The following ME2 variants were observed in gnomAD, a reference collection of about 807,000 sequenced individuals.
The protein encoded by ME2 is malic enzyme 2.
Under a neutral mutation model 73.7 loss-of-function variants are expected in ME2, and 60 were observed. The observed-to-expected ratio is 0.81, with a 90% CI of 0.66 to 1.01. The LOEUF is 1.01. Among genes scored for constraint, ME2 ranks in the 50% least tolerant of loss-of-function variants. The pLI, the probability that ME2 is intolerant of heterozygous loss-of-function variation, is 0.00. For missense variants in ME2, 594 were observed against 705.5 expected, an observed-to-expected ratio of 0.84 and a Z score of 1.79; for synonymous variants, 199 against 236.9, an observed-to-expected ratio of 0.84 and a Z score of 1.47.
chr18:50,951,899 A>G lies in ME2; in HGVS notation c.*4715A>G, dbSNP rs899474621. On this transcript the variant is annotated 3_prime_UTR_variant, in exon 16 of 16. Transcript: ENST00000321341. ...AAAAAAAAAAAAAAAAAAAAAAAAA[A>G]AAAATCTCCAGGGTTCTGTTGAATT... 3.1e-5 allele frequency: 4 copies of G among 129,670 alleles called. No individual in the cohort carries two copies. The East Asian group carries it at 9.2e-4, about 30-fold the overall frequency. The allele number at this position is 129,670 out of a possible 1,614,324, so 8.0% of individuals were successfully genotyped here. A position where few individuals can be genotyped will look rare whatever the true frequency, so the allele number is the denominator to read the frequency against.
In ME2 at chr18:50,939,570, G is replaced by A. The variant is rs1775849411; in HGVS notation, c.1418G>A (p.Gly473Asp). ...TAGTAAACTTTAAAATGTGTTCTAG[G>A]TGTGGCTTTAGCTGTTATTCTCTGT... ...GQGNNVYIFP[G>D]VALAVILCNT... The change falls in exon 14 of 16, where the codon GGT becomes GAT. Residue 473 changes from glycine (G) to aspartate (D), a missense_variant and splice_region_variant. Transcript: ENST00000321341. The A allele has an allele frequency of 1.9e-6, 3 of 1,607,028 alleles. No individual in the cohort carries two copies. The highest frequency in any genetic ancestry group is 2.6e-6 in the Non-Finnish European group (3 of 1,173,912).
intron 13 of ME2, chr18:50,933,730 A>AG (rs1917751636): frequency 2.0e-5 from 3 of 151,946 alleles, no homozygotes. Context: ...TGTGTGTTGC[A>AG]GGGGGTTTCA....
intron 1 of ME2, among the ~76,000 whole-genome samples, chr18:50,880,304 G>A (rs1916287000): frequency 1.3e-5 from 2 of 152,116 alleles, no homozygotes; most frequent in Non-Finnish European, 2.9e-5. Flanking sequence ...GTTTTAACGT[G>A]ACAAAGCCTA....
chr18:50,890,078 C>T (rs1372656593), intron 1 of ME2, among the ~76,000 whole-genome samples: 5 of 151,940 alleles, frequency 3.3e-5, no homozygotes, highest in East Asian at 1.9e-4. Flanking sequence ...ATCAAGAATC[C>T]TCACTCTTTG....
intron 2 of ME2, among the ~76,000 whole-genome samples, chr18:50,901,318 G>A (rs12953514): frequency 2.0e-5 from 3 of 152,096 alleles, no homozygotes; most frequent in Admixed American, 2.0e-4. Context: ...ACGTAAATCA[G>A]TATTAAAGAG....
At chr18:50,891,420 T>A (rs1173642689) in intron 1 of ME2, among the ~76,000 whole-genome samples, 1 of 152,218 alleles carries the variant, frequency 6.6e-6, no homozygotes, top group Non-Finnish European at 1.5e-5. Context: ...ATCTGAATTC[T>A]GCTTGCTCTG....
At chr18:50,932,190 A>G (rs1324662776) in intron 12 of ME2, 68 bp from the exon 13 acceptor site, 11 of 1,354,434 alleles carry the variant, frequency 8.1e-6, no homozygotes, top group Non-Finnish European at 1.1e-5. Context: ...TTGATTTTGT[A>G]TGAATTCACC....
chr18:50,883,777 T>C (rs1437330091), intron 1 of ME2, among the ~76,000 whole-genome samples: 1 of 152,048 alleles, frequency 6.6e-6, no homozygotes, highest in African/African-American at 2.4e-5. Context: ...GGCAGGAGAA[T>C]TGCTTGACCT....
chr18:50,907,939 A>G (rs1917054136), intron 2 of ME2, 124 bp from the exon 3 acceptor site: 1 of 698,152 alleles, frequency 1.4e-6, no homozygotes, highest in African/African-American at 1.8e-5. Flanking sequence ...AAAGTTTTGA[A>G]AGCCTGGGCA....
intron 1 of ME2, among the ~76,000 whole-genome samples, chr18:50,884,056 C>A (rs1428010758): frequency 6.6e-6 from 1 of 151,996 alleles, no homozygotes; most frequent in East Asian, 1.9e-4. Flanking sequence ...GATATTAAGC[C>A]CACCTGTCTG....
At chr18:50,925,053 T>G (rs1454063631) in intron 11 of ME2, among the ~76,000 whole-genome samples, 1 of 151,922 alleles carries the variant, frequency 6.6e-6, no homozygotes, top group Non-Finnish European at 1.5e-5. Flanking sequence ...TTTAACTACC[T>G]CATATAAATG....
chr18:50,882,766 TG>T (rs1277166220), intron 1 of ME2, among the ~76,000 whole-genome samples: 1 of 152,112 alleles, frequency 6.6e-6, no homozygotes. Context: ...CTGCCCAACA[TG>T]GTGAAACCCC....
At chr18:50,893,854 A>G (rs1236119065) in intron 1 of ME2, among the ~76,000 whole-genome samples, 1 of 152,186 alleles carries the variant, frequency 6.6e-6, no homozygotes, top group Non-Finnish European at 1.5e-5. Context: ...CTGTGAACAA[A>G]ACCATCCCTA....
At chr18:50,916,837 ATACTC>A (rs1917295712) in intron 5 of ME2, 1 of 152,362 alleles carries the variant, frequency 6.6e-6, no homozygotes, top group Admixed American at 6.5e-5. Context: ...GTTGGTTTGA[ATACTC>A]TAGCAAAAAT....
chr18:50,888,452 C>G lies in ME2; in HGVS notation c.-12-7357C>G, dbSNP rs75592500. On this transcript the variant is annotated intron_variant, in intron 1 of 15. Transcript: ENST00000321341. ...ATTTATGAAACAAAAACAACAGAACCAAAGGCTTAGAGGCTGAAAATTTTG... is the reference window on the plus strand; with the variant it reads ...ATTTATGAAACAAAAACAACAGAACGAAAGGCTTAGAGGCTGAAAATTTTG... Among the ~76,000 whole-genome samples, 867 of 151,748 alleles carry G rather than the reference C, an allele frequency of 5.7e-3. 7 individuals carry two copies. Among genetic ancestry groups the G allele is most frequent in the African/African-American group, 0.02 (838 of 41,392 alleles).
At chr18:50,941,349 G>GTTTT (rs1568176416) in intron 15 of ME2, among the ~76,000 whole-genome samples, 13 of 105,316 alleles carry the variant, frequency 1.2e-4, no homozygotes, top group African/African-American at 4.8e-4. Flanking sequence ...ATTTGTGATG[G>GTTTT]TTTCTTTTTT....
rs1202762086 is a variant in ME2 at position 50,952,645 on chromosome 18, C to G, written c.*5461C>G. 1 of 152,072 alleles carries G rather than the reference C, an allele frequency of 6.6e-6. No homozygotes were observed. Among genetic ancestry groups the G allele is most frequent in the African/African-American group, 2.4e-5 (1 of 41,420 alleles). The allele number at this position is 152,072 out of a possible 1,614,324, so 9.4% of individuals were successfully genotyped here. ...TTCAGCACACTTTTTAATGTTAAGA[C>G]TAGGGGAAACTTGTGGGTATATATT... On this transcript the variant is annotated 3_prime_UTR_variant, in exon 16 of 16. Transcript: ENST00000321341.
chr18:50,879,433 C>T (rs1916258355), intron 1 of ME2, 125 bp downstream of exon 1: 2 of 152,222 alleles, frequency 1.3e-5, no homozygotes. Flanking sequence ...CGGCCCCCGC[C>T]GTTCCCGGCC....
At chr18:50,889,458 T>A (rs1219456918) in intron 1 of ME2, among the ~76,000 whole-genome samples, 2 of 152,302 alleles carry the variant, frequency 1.3e-5, no homozygotes, top group East Asian at 3.9e-4. Context: ...TGCATCCCCT[T>A]GCCCCCAATG....
Sources: gnomAD v4.1 joint callset for allele counts (sites outside exome capture counted in the v4.1 genomes callset) on GRCh38, gnomAD v4.1.1 for gene constraint, MANE v1.5 for transcripts, NCBI Gene and HGNC (gene_info 2026-07-23, HGNC 2026-07-21) for gene names.